The following DDX60 variants were observed in gnomAD, a reference collection of about 807,000 sequenced individuals.
DDX60 encodes DExD/H-box helicase 60.
A neutral mutation model predicts 212.8 loss-of-function variants in DDX60; 165 were observed. That is an observed-to-expected ratio of 0.78 (90% CI 0.68 to 0.88). The LOEUF is 0.88. Among genes scored for constraint, DDX60 ranks in the 40% least tolerant of loss-of-function variants. The pLI, the probability that DDX60 is intolerant of heterozygous loss-of-function variation, is 0.00. For missense variants in DDX60, 1,905 were observed against 2,003.9 expected (o/e 0.95, Z 0.94); for synonymous variants, 703 against 685.3 (o/e 1.03, Z -0.40).
rs560261126 is a variant in DDX60 at position 168,276,545 on chromosome 4, G to C, written c.1979-364C>G. On this transcript the variant is annotated intron_variant, in intron 14 of 37. Coordinates refer to ENST00000393743, the MANE Select transcript of DDX60 (RefSeq NM_017631.6). ...AATATCTTTATTACTTGAAATATCT[G>C]GTTAAAACCTTAGCAACATTTATTG... 1.0e-3 allele frequency among the ~76,000 whole-genome samples: 156 copies of C among 152,136 alleles called. 1 individual carries two copies. The highest frequency in any genetic ancestry group is 1.9e-3 in the Non-Finnish European group (126 of 67,962).
At chr4:168,274,707 C>T (rs977905589) in intron 16 of DDX60, among the ~76,000 whole-genome samples, 13 of 152,242 alleles carry the variant, frequency 8.5e-5, no homozygotes, top group African/African-American at 2.2e-4. Context: ...AGCAAGGAAC[C>T]GGTCTTCCTA....
the DDX60 span, among the ~76,000 whole-genome samples, chr4:168,325,459 G>A: frequency 6.6e-6 from 1 of 152,136 alleles, no homozygotes; most frequent in East Asian, 1.9e-4. Flanking sequence ...TTATAAATCA[G>A]AAATAAACCT....
chr4:168,233,454 A>G (rs1299831934), intron 33 of DDX60, among the ~76,000 whole-genome samples: 1 of 152,160 alleles, frequency 6.6e-6, no homozygotes, highest in East Asian at 1.9e-4. Context: ...ATATGGAACC[A>G]GCCTAAATGC....
At chr4:168,248,807 T>G (rs1350060646) in intron 28 of DDX60, among the ~76,000 whole-genome samples, 9 of 151,870 alleles carry the variant, frequency 5.9e-5, no homozygotes, top group Non-Finnish European at 1.3e-4. Flanking sequence ...TCGCCCAAGC[T>G]GGAGTGCAAT....
intron 22 of DDX60, chr4:168,263,428 A>G (rs140609099): frequency 8.9e-4 from 136 of 152,308 alleles, no homozygotes; most frequent in African/African-American, 3.2e-3. Context: ...ACTGGTTTCA[A>G]TCACTACTGC....
intron 16 of DDX60, among the ~76,000 whole-genome samples, chr4:168,274,607 C>T (rs475075): frequency 0.43 from 65,609 of 151,876 alleles, 14,926 homozygotes; most frequent in African/African-American, 0.6. Context: ...GGTCCACTCC[C>T]GGCCACACCT....
At chr4:168,323,869 T>C (rs1737651223), upstream of DDX60, among the ~76,000 whole-genome samples, 1 of 152,228 alleles carries the variant, frequency 6.6e-6, no homozygotes, top group Non-Finnish European at 1.5e-5. Context: ...ACAGTGCTGA[T>C]GCTTGGGTTC....
At chr4:168,228,156 T>C (rs943916086) in intron 33 of DDX60, among the ~76,000 whole-genome samples, 1 of 152,136 alleles carries the variant, frequency 6.6e-6, no homozygotes, top group Non-Finnish European at 1.5e-5. Context: ...TTGAACACTT[T>C]AGGCAGCTGT....
At chr4:168,238,483 G>A (rs1456533530) in intron 30 of DDX60, among the ~76,000 whole-genome samples, 1 of 143,192 alleles carries the variant, frequency 7.0e-6, no homozygotes, top group Non-Finnish European at 1.5e-5. Flanking sequence ...GGAAGGGAAG[G>A]GGAGAAAGGA....
intron 7 of DDX60, among the ~76,000 whole-genome samples, chr4:168,293,468 A>G (rs1364688599): frequency 1.3e-5 from 2 of 152,312 alleles, no homozygotes; most frequent in East Asian, 3.9e-4. Flanking sequence ...ATTTAAGGGC[A>G]CAATGCATAC....
chr4:168,315,869 T>C (rs1197118295), intron 1 of DDX60, among the ~76,000 whole-genome samples: 1 of 152,204 alleles, frequency 6.6e-6, no homozygotes, highest in Non-Finnish European at 1.5e-5. Context: ...CTATTGTAAA[T>C]AGTGCTGCAA....
chr4:168,306,322 G>A (rs1473903562), intron 5 of DDX60, 57 bp downstream of exon 5: 3 of 1,362,968 alleles, frequency 2.2e-6, no homozygotes, highest in African/African-American at 1.5e-5. Context: ...ACTGAGTCAA[G>A]TAACTTAGAA....
intron 4 of DDX60, among the ~76,000 whole-genome samples, chr4:168,307,776 T>C (rs969966360): frequency 2.0e-5 from 3 of 152,204 alleles, no homozygotes; most frequent in Non-Finnish European, 4.4e-5. Context: ...TCTCTCATGA[T>C]CCTGTGTGTC....
chr4:168,237,436 CA>C lies in DDX60; in HGVS notation c.4270-10del, dbSNP rs1448731297. ...TCTTGATCTAAATAGCCCTAAAGAA[CA>C]AAAAACAATTTATTAGTTTGACTCA... On this transcript the variant is annotated splice_polypyrimidine_tract_variant and intron_variant, in intron 31 of 37. Transcript: ENST00000393743. The C allele has an allele frequency of 6.5e-7, 1 of 1,546,220 alleles. No individual in the cohort carries two copies. The highest frequency in any genetic ancestry group is 8.7e-7 in the Non-Finnish European group (1 of 1,152,640).
chr4:168,242,880 T>C (rs1733898883), intron 30 of DDX60, among the ~76,000 whole-genome samples: 1 of 152,084 alleles, frequency 6.6e-6, no homozygotes. Flanking sequence ...CCAAATCCCA[T>C]CTTGAATTGT....
intron 7 of DDX60, 99 bp downstream of exon 7, chr4:168,293,688 A>G (rs1208409713): frequency 9.5e-7 from 1 of 1,052,004 alleles, no homozygotes; most frequent in African/African-American, 1.6e-5. Context: ...ATAAGAGAAA[A>G]ACATGAAGTA....
intron 10 of DDX60, among the ~76,000 whole-genome samples, chr4:168,285,933 A>AAGGG (rs1174817566): frequency 7.7e-5 from 7 of 91,286 alleles, no homozygotes; most frequent in Non-Finnish European, 1.6e-4. Flanking sequence ...GGAAGGAAGG[A>AAGGG]AGGAAGGGAG....
chr4:168,298,682 A>G (rs1406728003), intron 6 of DDX60, among the ~76,000 whole-genome samples: 1 of 152,168 alleles, frequency 6.6e-6, no homozygotes, highest in Non-Finnish European at 1.5e-5. Flanking sequence ...CTGGACAAAA[A>G]AATAAGTTAA....
chr4:168,318,341 C>T (rs552566043), intron 1 of DDX60, among the ~76,000 whole-genome samples: 1 of 152,238 alleles, frequency 6.6e-6, no homozygotes, highest in Non-Finnish European at 1.5e-5. Flanking sequence ...CCACCTTTGA[C>T]GGGGACTCCT....
Sources: allele counts gnomAD v4.1 joint callset (sites outside exome capture counted in the v4.1 genomes callset), GRCh38; gene constraint gnomAD v4.1.1; transcripts MANE v1.5; gene names NCBI Gene and HGNC (gene_info 2026-07-23, HGNC 2026-07-21).